Variants in FGF12 observed in about 807,000 individuals in gnomAD.
FGF12 encodes fibroblast growth factor 12B.
A neutral mutation model predicts 23.6 loss-of-function variants in FGF12; 14 were observed. That is an observed-to-expected ratio of 0.59 (90% CI 0.39 to 0.93). The LOEUF (loss-of-function observed/expected upper bound fraction) is 0.93, where lower values mean the gene tolerates loss of function less well. FGF12 is among the 40% of genes least tolerant of loss of function. FGF12 has a pLI of 0.00. For missense variants in FGF12, 175 were observed against 217.8 expected (o/e 0.80, Z 1.24); for synonymous variants, 62 against 77.3 (o/e 0.80, Z 1.04).
intron 2 of FGF12, among the ~76,000 whole-genome samples, chr3:192,695,285 C>G (rs1718079905): frequency 6.6e-6 from 1 of 152,200 alleles, no homozygotes; most frequent in South Asian, 2.1e-4. Context: ...TTGCCCATGA[C>G]TTTCTCTACT....
intron 5 of FGF12, among the ~76,000 whole-genome samples, chr3:192,149,343 T>C (rs1713912291): frequency 6.6e-6 from 1 of 151,552 alleles, no homozygotes; most frequent in African/African-American, 2.4e-5. Context: ...CTTTAAGTTT[T>C]AGGGTACATG....
chr3:192,387,706 A>G lies in FGF12; in HGVS notation c.14-27168T>C, dbSNP rs529964755. On this transcript the variant is annotated intron_variant, in intron 2 of 5. Transcript: ENST00000445105. ...TACAAAAAAAATACAAAAAAAAAAT[A>G]CACACACACACAATATATATATATA... 2.1e-5 allele frequency among the ~76,000 whole-genome samples: 3 copies of G among 142,582 alleles called. No individual in the cohort carries two copies. The East Asian group carries it at 6.5e-4, about 31-fold the overall frequency. The allele number at this position is 142,582 out of a possible 152,430, so 93.5% of individuals were successfully genotyped here.
chr3:192,722,455 G>A (rs576599600), intron 2 of FGF12, among the ~76,000 whole-genome samples: 1 of 152,232 alleles, frequency 6.6e-6, no homozygotes, highest in Non-Finnish European at 1.5e-5. Flanking sequence ...AAGTGTGTTG[G>A]TTCATGGCCC....
chr3:192,631,119 T>A (rs1361987221), intron 2 of FGF12, among the ~76,000 whole-genome samples: 1 of 152,168 alleles, frequency 6.6e-6, no homozygotes, highest in Non-Finnish European at 1.5e-5. Flanking sequence ...CATTGCCACT[T>A]TTTTTGCCTT....
At position 192,141,935 on chromosome 3, in the gene FGF12, T is replaced by A. The variant is rs929574771; in HGVS notation, c.*2074A>T. The stretch of plus-strand genomic sequence containing the variant: ...TTGTGCTTGGGATTTTTTTCTTTTT[T>A]TTTTTGGTTCTGGTAGTGACAGGTG... On this transcript the variant is annotated 3_prime_UTR_variant, in exon 6 of 6. Coordinates refer to ENST00000445105, the MANE Select transcript of FGF12 (RefSeq NM_004113.6). 6.6e-6 allele frequency: 1 copy of A among 152,272 alleles called. No homozygotes were observed. 9.4% of individuals were successfully genotyped at this position (152,272 alleles called of 1,614,324 possible). A position where few individuals can be genotyped will look rare whatever the true frequency, so the allele number is the denominator to read the frequency against.
rs755363377 is a variant in FGF12, at chr3:192,571,087, A to AGGGG, written c.13+156093_13+156094insCCCC. On this transcript the variant is annotated intron_variant, in intron 2 of 5. Coordinates refer to ENST00000445105, the MANE Select transcript of FGF12 (RefSeq NM_004113.6). ...CATTTCTACATTGGTGTTGGGGGGA[A>AGGGG]AAAACAAACCTTATTAGCCACACAT... 1.8e-3 allele frequency among the ~76,000 whole-genome samples: 280 copies of AGGGG among 151,856 alleles called. No individual in the cohort carries two copies. In the Middle Eastern group the frequency reaches 0.024, roughly 13 times the overall value.
At chr3:192,652,691 A>C (rs756938199) in intron 2 of FGF12, among the ~76,000 whole-genome samples, 3 of 152,172 alleles carry the variant, frequency 2.0e-5, no homozygotes, top group Non-Finnish European at 4.4e-5. Flanking sequence ...TAGGGCCCAG[A>C]AGTCTGTGTT....
chr3:192,708,192 C>T (rs1348107417), intron 2 of FGF12, among the ~76,000 whole-genome samples: 1 of 152,046 alleles, frequency 6.6e-6, no homozygotes, highest in Non-Finnish European at 1.5e-5. Flanking sequence ...ATCTCCTGAC[C>T]TCGTGATCCA....
chr3:192,329,993 T>C (rs927029069), intron 4 of FGF12, among the ~76,000 whole-genome samples: 1 of 152,182 alleles, frequency 6.6e-6, no homozygotes. Context: ...TTTAATACCA[T>C]TAAAATTATT....
chr3:192,371,295 C>T (rs1393574235), intron 2 of FGF12, among the ~76,000 whole-genome samples: 7 of 152,222 alleles, frequency 4.6e-5, no homozygotes, highest in Non-Finnish European at 1.0e-4. Context: ...GGCAGCACAT[C>T]TTCCAATCCC....
intron 2 of FGF12, among the ~76,000 whole-genome samples, chr3:192,666,906 G>T (rs80272196): frequency 0.016 from 2,292 of 142,448 alleles, 59 homozygotes; most frequent in African/African-American, 0.058. Flanking sequence ...ATGGATAGTT[G>T]GATAGATAGA....
At chr3:192,322,414 T>C (rs1716593880) in intron 4 of FGF12, among the ~76,000 whole-genome samples, 1 of 151,984 alleles carries the variant, frequency 6.6e-6, no homozygotes, top group African/African-American at 2.4e-5. Context: ...ACAGATTCAA[T>C]GCAATCTTTA....
chr3:192,643,616 T>C (rs1715885999), intron 2 of FGF12, among the ~76,000 whole-genome samples: 2 of 152,228 alleles, frequency 1.3e-5, no homozygotes, highest in African/African-American at 4.8e-5. Context: ...TCTGATCCTG[T>C]CCACTCTTCA....
chr3:192,253,451 A>C (rs540241432), intron 4 of FGF12, among the ~76,000 whole-genome samples: 1 of 152,126 alleles, frequency 6.6e-6, no homozygotes, highest in African/African-American at 2.4e-5. Context: ...GAAGAACAAA[A>C]GTAAGAAAGA....
intron 4 of FGF12, among the ~76,000 whole-genome samples, chr3:192,317,341 A>T (rs570981704): frequency 6.6e-6 from 1 of 151,222 alleles, no homozygotes; most frequent in Non-Finnish European, 1.5e-5. Context: ...CTGGGGCAGA[A>T]GTGAGCCCAC....
intron 4 of FGF12, among the ~76,000 whole-genome samples, chr3:192,317,923 G>A (rs1716315597): frequency 6.6e-6 from 1 of 152,154 alleles, no homozygotes; most frequent in South Asian, 2.1e-4. Flanking sequence ...AAAAGTAAGA[G>A]AAAGGAACAA....
intron 2 of FGF12, among the ~76,000 whole-genome samples, chr3:192,363,103 G>T (rs567786090): frequency 1.1e-4 from 16 of 150,736 alleles, no homozygotes; most frequent in East Asian, 5.8e-4. Flanking sequence ...GTAGGGGGAG[G>T]GGGGAGGGAT....
chr3:192,263,171 T>C (rs1295627358), intron 4 of FGF12, among the ~76,000 whole-genome samples: 1 of 152,060 alleles, frequency 6.6e-6, no homozygotes, highest in African/African-American at 2.4e-5. Context: ...TAGGATTGAA[T>C]CAAGCAATAT....
intron 2 of FGF12, among the ~76,000 whole-genome samples, chr3:192,559,306 G>A (rs1187783484): frequency 2.0e-5 from 3 of 151,924 alleles, no homozygotes; most frequent in Non-Finnish European, 2.9e-5. Flanking sequence ...AAGGACTTGA[G>A]TAGACATTTC....
Sources: gnomAD v4.1 joint callset for allele counts (sites outside exome capture counted in the v4.1 genomes callset) on GRCh38, gnomAD v4.1.1 for gene constraint, MANE v1.5 for transcripts, NCBI Gene and HGNC (gene_info 2026-07-23, HGNC 2026-07-21) for gene names.